PAX2: variants seen among roughly 807,000 people sequenced by gnomAD.
PAX2 encodes paired box protein Pax-2.
PAX2 carries 9 observed loss-of-function variants against 41.7 expected under a neutral mutation model. That is an observed-to-expected ratio of 0.22 (90% CI 0.13 to 0.38). PAX2 has a LOEUF of 0.38. Ranked by LOEUF, PAX2 falls within the 10% of genes least tolerant of loss-of-function variation. PAX2 has a pLI of 1.00. For synonymous variants in PAX2, 221 were observed against 212.7 expected, an observed-to-expected ratio of 1.04 and a Z score of -0.34; for missense variants, 418 against 531.6, an observed-to-expected ratio of 0.79 and a Z score of 2.10.
At chr10:100,813,683 G>T (rs941910938) in intron 7 of PAX2, among the ~76,000 whole-genome samples, 1 of 152,166 alleles carries the variant, frequency 6.6e-6, no homozygotes, top group Non-Finnish European at 1.5e-5. Flanking sequence ...ACATGGAGAC[G>T]CCAAGCCTGA....
chr10:100,801,607 A>G (rs1300371112), intron 5 of PAX2, among the ~76,000 whole-genome samples: 1 of 152,218 alleles, frequency 6.6e-6, no homozygotes, highest in Non-Finnish European at 1.5e-5. Flanking sequence ...TAGTTATGGT[A>G]ACATGAAAAA....
intron 1 of PAX2, chr10:100,749,224 A>G (rs1025188513): frequency 5.7e-5 from 56 of 989,092 alleles, no homozygotes; most frequent in Non-Finnish European, 6.4e-5. Context: ...TGTGTGTGTC[A>G]GGCACTTATC....
intron 5 of PAX2, among the ~76,000 whole-genome samples, chr10:100,798,365 C>T (rs1847413317): frequency 6.6e-6 from 1 of 152,032 alleles, no homozygotes; most frequent in Admixed American, 6.5e-5. Context: ...ATCTGCCCAC[C>T]TCGGCCTCCC....
At chr10:100,777,016 A>T (rs754005671) in intron 3 of PAX2, among the ~76,000 whole-genome samples, 3 of 151,748 alleles carry the variant, frequency 2.0e-5, no homozygotes, top group Non-Finnish European at 4.4e-5. Context: ...TGGTTCCTAC[A>T]TGTTGGGGGC....
intron 5 of PAX2, among the ~76,000 whole-genome samples, chr10:100,805,163 G>C (rs1328118973): frequency 2.0e-5 from 3 of 152,120 alleles, no homozygotes; most frequent in South Asian, 2.1e-4. Context: ...CTCGGTCTGG[G>C]AGGCCAGCAA....
rs1477381980 is a variant in PAX2 at position 100,826,864 on chromosome 10, G to C, written c.1022-145G>C. 1 of 652,998 alleles carries C rather than the reference G, an allele frequency of 1.5e-6. No homozygotes were observed. Among genetic ancestry groups the C allele is most frequent in the East Asian group, 2.8e-5 (1 of 36,076 alleles). 40.5% of individuals were successfully genotyped at this position (652,998 alleles called of 1,614,324 possible). A position where few individuals can be genotyped will look rare whatever the true frequency, so the allele number is the denominator to read the frequency against. On this transcript the variant is annotated intron_variant, in intron 8 of 9. Coordinates refer to ENST00000355243, the MANE Select transcript of PAX2 (RefSeq NM_000278.5). This position sits in a 1 kb window ranked among gnomAD's most constrained non-coding sequence, Gnocchi z 5.5. ...GCGGTGATCGCCCCACCTCCGCCCGGCCCGCCCGCCACGGCCATTACCCTG... is the reference window on the plus strand; with the variant it reads ...GCGGTGATCGCCCCACCTCCGCCCGCCCCGCCCGCCACGGCCATTACCCTG...
chr10:100,748,099 G>T lies in PAX2; in HGVS notation c.44-1647G>T. 1.0e-6 allele frequency: 1 copy of T among 985,126 alleles called. No individual in the cohort carries two copies. Among genetic ancestry groups the T allele is most frequent in the African/African-American group, 1.7e-5 (1 of 57,292 alleles). 61.0% of individuals were successfully genotyped at this position (985,126 alleles called of 1,614,324 possible). A position where few individuals can be genotyped will look rare whatever the true frequency, so the allele number is the denominator to read the frequency against. ...CCCGACTCAGCGCCGACTCGCTGCA[G>T]TCCCCCAGCCCTGGACTCCCGCCGT... On this transcript the variant is annotated intron_variant, in intron 1 of 9. Transcript: ENST00000355243. This position sits in a 1 kb window ranked among gnomAD's most constrained non-coding sequence, Gnocchi z 5.0.
chr10:100,792,961 C>T (rs1345116320), intron 5 of PAX2, among the ~76,000 whole-genome samples: 2 of 152,206 alleles, frequency 1.3e-5, no homozygotes, highest in Non-Finnish European at 2.9e-5. Flanking sequence ...CAGTCATTTG[C>T]AACCCTGCTT....
chr10:100,802,940 G>A (rs1847617536), intron 5 of PAX2, among the ~76,000 whole-genome samples: 1 of 152,016 alleles, frequency 6.6e-6, no homozygotes, highest in Non-Finnish European at 1.5e-5. Context: ...CCTAACAGTG[G>A]TCTCTTTCTT....
At chr10:100,793,867 G>A (rs114741227) in intron 5 of PAX2, among the ~76,000 whole-genome samples, 403 of 152,310 alleles carry the variant, frequency 2.6e-3, no homozygotes, top group African/African-American at 9.0e-3. Flanking sequence ...GCAGAGAACC[G>A]GGATGTGACT....
intron 3 of PAX2, among the ~76,000 whole-genome samples, chr10:100,753,522 G>A (rs749363407): frequency 5.9e-5 from 9 of 152,212 alleles, no homozygotes; most frequent in Non-Finnish European, 2.9e-5. Context: ...AGATTTTCCT[G>A]TGTGCACAAA....
At chr10:100,744,593 C>G (rs1845080971), upstream of PAX2, among the ~76,000 whole-genome samples, 1 of 152,202 alleles carries the variant, frequency 6.6e-6, no homozygotes, top group Non-Finnish European at 1.5e-5. Flanking sequence ...CAGCGGGCGG[C>G]GCTCAGCCGC....
chr10:100,824,777 T>C lies in PAX2; in HGVS notation c.1021+28T>C. ...AGGTGACAATGCTGCAGCTGCCTAA[T>C]CTAGGTGGGGGGAACTAAATTGTGG... On this transcript the variant is annotated intron_variant, in intron 8 of 9. Transcript: ENST00000355243. The surrounding 1 kb of genome is among the most constrained non-coding windows in gnomAD (Gnocchi z 6.6). 6.5e-7 allele frequency: 1 copy of C among 1,539,646 alleles called. No homozygotes were observed. Among genetic ancestry groups the C allele is most frequent in the Non-Finnish European group, 9.0e-7 (1 of 1,112,156 alleles).
upstream of PAX2, among the ~76,000 whole-genome samples, chr10:100,744,205 C>T (rs1278893410): frequency 6.6e-6 from 1 of 152,214 alleles, no homozygotes; most frequent in Non-Finnish European, 1.5e-5. Context: ...GCCGCGCTTC[C>T]GCGGGGCGCC....
intron 7 of PAX2, among the ~76,000 whole-genome samples, chr10:100,810,908 C>T (rs991180697): frequency 5.3e-5 from 8 of 152,194 alleles, no homozygotes; most frequent in South Asian, 2.1e-4. Flanking sequence ...GGAACATCTC[C>T]GGCTGATCCA....
At chr10:100,787,509 C>T (rs1460923793) in intron 5 of PAX2, among the ~76,000 whole-genome samples, 1 of 152,092 alleles carries the variant, frequency 6.6e-6, no homozygotes, top group Non-Finnish European at 1.5e-5. Context: ...AGGCACAGCC[C>T]AGGGGCAGCT....
intron 6 of PAX2, 89 bp downstream of exon 6, chr10:100,806,694 T>C (rs1847795290): frequency 9.4e-7 from 1 of 1,066,946 alleles, no homozygotes; most frequent in East Asian, 2.4e-5. Context: ...ACCACATGCA[T>C]AGCCAGCATT....
Position 100,829,728 on chromosome 10 carries a change from C to A in PAX2, c.*2109C>A. 4.9e-6 allele frequency: 1 copy of A among 202,818 alleles called. No homozygotes were observed. Among genetic ancestry groups the A allele is most frequent in the Non-Finnish European group, 1.0e-5 (1 of 98,094 alleles). The allele number at this position is 202,818 out of a possible 1,614,324, so 12.6% of individuals were successfully genotyped here. On this transcript the variant is annotated 3_prime_UTR_variant, in exon 10 of 10. Transcript: ENST00000355243. ...AGTGGCCCGAACGGGGCGGCGAGGG[C>A]GGCGAGGGCGCCGAGGTCCGGCCCA...
At chr10:100,763,326 C>T (rs1224895751) in intron 3 of PAX2, among the ~76,000 whole-genome samples, 5 of 152,200 alleles carry the variant, frequency 3.3e-5, no homozygotes, top group Admixed American at 1.3e-4. Context: ...TTAGAAATGT[C>T]CACATAATTG....
Sources: allele counts gnomAD v4.1 joint callset (sites outside exome capture counted in the v4.1 genomes callset), GRCh38; gene constraint gnomAD v4.1.1; non-coding constraint Gnocchi (gnomAD v3.1); transcripts MANE v1.5; gene names NCBI Gene and HGNC (gene_info 2026-07-23, HGNC 2026-07-21).